Variants in VPS45 observed in about 807,000 individuals in gnomAD.
VPS45 encodes vacuolar protein sorting 45 homolog, also known as vacuolar protein sorting-associated protein 45.
Under a neutral mutation model 75.9 loss-of-function variants are expected in VPS45, and 35 were observed. The ratio of observed to expected loss-of-function variants is 0.46; its 90% CI spans 0.35 to 0.61. The LOEUF (loss-of-function observed/expected upper bound fraction) is 0.61, where lower values mean the gene tolerates loss of function less well. VPS45 is among the 20% of genes least tolerant of loss of function. The probability of loss-of-function intolerance (pLI) is 0.00; values close to 1 mark genes in which losing one functional copy is unlikely to be tolerated. For synonymous variants in VPS45, 220 were observed against 238.2 expected (o/e 0.92, Z 0.70); for missense variants, 559 against 685.9 (o/e 0.81, Z 2.07).
At chr1:150,087,884 C>T (rs1656098770) in intron 10 of VPS45, among the ~76,000 whole-genome samples, 1 of 152,112 alleles carries the variant, frequency 6.6e-6, no homozygotes, top group Non-Finnish European at 1.5e-5. Flanking sequence ...AGAGTCAAGC[C>T]AGGCAATCTA....
At chr1:150,110,714 A>G in intron 14 of VPS45, 87 bp downstream of exon 14, 2 of 1,353,038 alleles carry the variant, frequency 1.5e-6, no homozygotes, top group Non-Finnish European at 2.0e-6. Flanking sequence ...AATTTGGTCA[A>G]TACTCACCAA....
chr1:150,114,680 G>A (rs1657833431), intron 14 of VPS45, among the ~76,000 whole-genome samples: 1 of 151,782 alleles, frequency 6.6e-6, no homozygotes, highest in African/African-American at 2.4e-5. Flanking sequence ...CGGATTGCTT[G>A]AGCCCAGGAA....
At chr1:150,105,761 C>G (rs1462586153) in intron 13 of VPS45, among the ~76,000 whole-genome samples, 1 of 152,012 alleles carries the variant, frequency 6.6e-6, no homozygotes, top group Non-Finnish European at 1.5e-5. Context: ...GAAAAAGAAT[C>G]CTAAAGTTGA....
At position 150,081,436 on chromosome 1, in the gene VPS45, A is replaced by G; in HGVS notation, c.782A>G (p.Glu261Gly). The G allele has an allele frequency of 6.2e-7, 1 of 1,601,488 alleles. No homozygotes were observed. The highest frequency in any genetic ancestry group is 8.5e-7 in the Non-Finnish European group (1 of 1,176,924). Reference sequence around the variant, plus strand: ...CCGGGAATCAGTAAAGACTTAAGAGAAGTGGTCCTATCTGCTGAAAATGAT... The same window carrying G: ...CCGGGAATCAGTAAAGACTTAAGAGGAGTGGTCCTATCTGCTGAAAATGAT... ...RVPGISKDLREVVLSAENDEF... is the reference protein window; with the variant it reads ...RVPGISKDLRGVVLSAENDEF... The change falls in exon 8 of 15, where the codon GAA becomes GGA. Residue 261 changes from glutamate to glycine, a missense_variant. By Grantham distance (98) the Glu-to-Gly change is moderately conservative (BLOSUM62 -2). Transcript: ENST00000644510.
intron 2 of VPS45, among the ~76,000 whole-genome samples, chr1:150,071,483 C>T (rs1655070646): frequency 6.6e-6 from 1 of 152,004 alleles, no homozygotes; most frequent in African/African-American, 2.4e-5. Flanking sequence ...ACATTTAATG[C>T]TCTATATAGG....
intron 13 of VPS45, among the ~76,000 whole-genome samples, chr1:150,102,668 C>T (rs1377119582): frequency 1.3e-5 from 2 of 151,956 alleles, no homozygotes; most frequent in Non-Finnish European, 1.5e-5. Flanking sequence ...TGTACATATA[C>T]ACCATGGAAT....
intron 3 of VPS45, among the ~76,000 whole-genome samples, chr1:150,072,581 G>A (rs587629221): frequency 4.6e-5 from 7 of 150,928 alleles, no homozygotes; most frequent in East Asian, 1.9e-4. Flanking sequence ...CGCTTGAACC[G>A]GAGAGGCGGA....
intron 2 of VPS45, among the ~76,000 whole-genome samples, chr1:150,071,787 C>A (rs1162243598): frequency 6.5e-3 from 872 of 134,188 alleles, no homozygotes; most frequent in Middle Eastern, 0.011. Flanking sequence ...GACTTAATCT[C>A]AAAAAAAAAA....
intron 10 of VPS45, among the ~76,000 whole-genome samples, chr1:150,085,987 C>G (rs1450149499): frequency 6.6e-6 from 1 of 152,072 alleles, no homozygotes; most frequent in Non-Finnish European, 1.5e-5. Flanking sequence ...TACCCTGCCC[C>G]CCATGCCCAG....
chr1:150,103,128 G>A (rs1256310106), intron 13 of VPS45, among the ~76,000 whole-genome samples: 1 of 151,978 alleles, frequency 6.6e-6, no homozygotes, highest in East Asian at 1.9e-4. Context: ...TACAGCATGA[G>A]CTAGCTGCTG....
intron 9 of VPS45, 84 bp downstream of exon 9, chr1:150,082,081 C>A: frequency 1.3e-6 from 1 of 792,612 alleles, no homozygotes; most frequent in East Asian, 2.7e-5. Flanking sequence ...TCTTCTGGGT[C>A]TAATTTCTAC....
intron 14 of VPS45, among the ~76,000 whole-genome samples, chr1:150,130,105 T>C (rs1349407563): frequency 3.3e-5 from 5 of 151,562 alleles, no homozygotes; most frequent in Non-Finnish European, 7.4e-5. Flanking sequence ...CCTCAAGAGA[T>C]CCTGCAGCCT....
intron 14 of VPS45, among the ~76,000 whole-genome samples, chr1:150,135,448 T>G (rs1370551994): frequency 1.3e-5 from 2 of 151,768 alleles, no homozygotes; most frequent in Non-Finnish European, 2.9e-5. Flanking sequence ...TTTGTTTTAG[T>G]AGAGACAGGG....
chr1:150,115,493 A>G (rs187435335), intron 14 of VPS45, among the ~76,000 whole-genome samples: 3 of 151,154 alleles, frequency 2.0e-5, no homozygotes, highest in Non-Finnish European at 3.0e-5. Flanking sequence ...GTGTAGGTCT[A>G]ATTCTGCTGT....
intron 7 of VPS45, 100 bp downstream of exon 7, chr1:150,077,879 T>C: frequency 2.1e-6 from 2 of 950,490 alleles, no homozygotes; most frequent in Non-Finnish European, 3.3e-6. Flanking sequence ...ATTTGCCTCC[T>C]TATTTTTAGC....
chr1:150,071,787 CAA>C (rs58767428), intron 2 of VPS45, among the ~76,000 whole-genome samples: 7 of 134,544 alleles, frequency 5.2e-5, no homozygotes, highest in Non-Finnish European at 7.9e-5. Context: ...GACTTAATCT[CAA>C]AAAAAAAAAA....
At chr1:150,093,482 C>A in intron 12 of VPS45, 45 bp from the exon 13 acceptor site, 1 of 1,595,828 alleles carries the variant, frequency 6.3e-7, no homozygotes, top group Non-Finnish European at 8.5e-7. Context: ...TCTTGTGTTG[C>A]CAATTTCCCA....
intron 3 of VPS45, among the ~76,000 whole-genome samples, chr1:150,072,872 G>T (rs1395332078): frequency 6.6e-6 from 1 of 151,802 alleles, no homozygotes; most frequent in Non-Finnish European, 1.5e-5. Context: ...AAAAATTGAG[G>T]CATGGAAGCT....
rs145315626 is a variant in VPS45, at chr1:150,138,885, C to T, written c.1626-5824C>T. Among the ~76,000 whole-genome samples, 837 of 152,308 alleles carry T rather than the reference C, an allele frequency of 5.5e-3. 6 individuals carry two copies. The highest frequency in any genetic ancestry group is 0.027 in the Middle Eastern group (8 of 294). On this transcript the variant is annotated intron_variant, in intron 14 of 14. Transcript: ENST00000644510. The stretch of plus-strand genomic sequence containing the variant: ...TTCCCACCTCAGTGGCACATCCATT[C>T]CTTTAGTTGCTTAGGCAAAAAAAAA...
Sources: allele counts gnomAD v4.1 joint callset (sites outside exome capture counted in the v4.1 genomes callset), GRCh38; gene constraint gnomAD v4.1.1; transcripts MANE v1.5; gene names NCBI Gene and HGNC (gene_info 2026-07-23, HGNC 2026-07-21).